Variants in ANKIB1 observed in about 807,000 individuals in gnomAD.
The protein encoded by ANKIB1 is ankyrin repeat and IBR domain-containing protein 1.
A neutral mutation model predicts 122.1 loss-of-function variants in ANKIB1; 43 were observed. The observed-to-expected ratio is 0.35, with a 90% CI of 0.28 to 0.45. The LOEUF (loss-of-function observed/expected upper bound fraction) is 0.45, where lower values mean the gene tolerates loss of function less well. Among genes scored for constraint, ANKIB1 ranks in the 20% least tolerant of loss-of-function variants. ANKIB1 has a pLI of 1.00. For synonymous variants in ANKIB1, 390 were observed against 442.0 expected (o/e 0.88, Z 1.48); for missense variants, 992 against 1,329.5 (o/e 0.75, Z 3.95).
At chr7:92,279,832 A>G (rs1201016241) in intron 1 of ANKIB1, among the ~76,000 whole-genome samples, 4 of 152,178 alleles carry the variant, frequency 2.6e-5, no homozygotes, top group African/African-American at 9.7e-5. Context: ...TTATCCTGGC[A>G]ACCTTAGAGT....
At chr7:92,328,757 G>A (rs1803086022) in intron 5 of ANKIB1, among the ~76,000 whole-genome samples, 1 of 151,446 alleles carries the variant, frequency 6.6e-6, no homozygotes. Flanking sequence ...AAATCTTTAT[G>A]ATCTATACTA....
intron 1 of ANKIB1, among the ~76,000 whole-genome samples, chr7:92,262,212 C>T (rs1801580312): frequency 6.6e-6 from 1 of 152,114 alleles, no homozygotes; most frequent in African/African-American, 2.4e-5. Flanking sequence ...GTTGCTATGG[C>T]AATAGAATGT....
Position 92,363,535 on chromosome 7 carries a change from A to G in ANKIB1, c.1486+1262A>G, listed in dbSNP as rs369231393. Among the ~76,000 whole-genome samples the G allele has an allele frequency of 3.1e-4, 48 of 152,386 alleles. 1 individual carries two copies. Among genetic ancestry groups the G allele is most frequent in the African/African-American group, 9.9e-4 (41 of 41,594 alleles). On this transcript the variant is annotated intron_variant, in intron 10 of 19. Transcript: ENST00000265742. ...ATTGCGGTATCATATGATAACTGAT[A>G]TAGTTGAGTAAAGATGAGAGTACAG...
intron 11 of ANKIB1, among the ~76,000 whole-genome samples, chr7:92,381,731 C>A (rs1245426214): frequency 1.3e-5 from 2 of 152,054 alleles, no homozygotes; most frequent in African/African-American, 4.8e-5. Flanking sequence ...TATAAGAGCT[C>A]CTAAAGGAAG....
rs184169000 is a variant in ANKIB1, at chr7:92,362,387, G to C, written c.1486+114G>C. On this transcript the variant is annotated intron_variant, in intron 10 of 19. Coordinates refer to ENST00000265742, the MANE Select transcript of ANKIB1 (RefSeq NM_019004.2). ...GAGGTTTTCAGATTTGTTAATGCAA[G>C]TGCTCTCCTGTTTAACATCACAATC... 7.1e-5 allele frequency: 64 copies of C among 898,570 alleles called. No homozygotes were observed. The East Asian group carries it at 1.5e-3, about 22-fold the overall frequency. 55.7% of individuals were successfully genotyped at this position (898,570 alleles called of 1,614,324 possible). A position where few individuals can be genotyped will look rare whatever the true frequency, so the allele number is the denominator to read the frequency against.
chr7:92,276,115 C>T (rs962809032), intron 1 of ANKIB1, among the ~76,000 whole-genome samples: 2 of 152,144 alleles, frequency 1.3e-5, no homozygotes, highest in African/African-American at 4.8e-5. Flanking sequence ...CATTACGTCT[C>T]ATTTAGATAC....
intron 2 of ANKIB1, among the ~76,000 whole-genome samples, chr7:92,298,684 G>A (rs1379703355): frequency 6.6e-6 from 1 of 150,388 alleles, no homozygotes; most frequent in African/African-American, 2.5e-5. Context: ...GGATAAAACT[G>A]CTGGCACCTT....
intron 7 of ANKIB1, among the ~76,000 whole-genome samples, chr7:92,346,621 G>A (rs894604880): frequency 6.6e-6 from 1 of 152,194 alleles, no homozygotes; most frequent in Non-Finnish European, 1.5e-5. Context: ...ACAATCCAAA[G>A]CTATCCTTAA....
chr7:92,257,546 A>G (rs1801473466), intron 1 of ANKIB1, among the ~76,000 whole-genome samples: 1 of 152,302 alleles, frequency 6.6e-6, no homozygotes, highest in South Asian at 2.1e-4. Flanking sequence ...TAATCCCAAC[A>G]CTTTGGGAGG....
chr7:92,272,613 G>A (rs1801820936), intron 1 of ANKIB1, among the ~76,000 whole-genome samples: 1 of 152,114 alleles, frequency 6.6e-6, no homozygotes, highest in African/African-American at 2.4e-5. Context: ...GGCCCAGATT[G>A]GTGTAGGAGG....
At chr7:92,367,898 G>A (rs1290383585) in intron 10 of ANKIB1, among the ~76,000 whole-genome samples, 1 of 152,202 alleles carries the variant, frequency 6.6e-6, no homozygotes, top group East Asian at 1.9e-4. Flanking sequence ...GTTTACGCCT[G>A]TAATCCCAGC....
intron 2 of ANKIB1, among the ~76,000 whole-genome samples, chr7:92,302,861 G>A (rs1165496378): frequency 1.3e-5 from 2 of 152,004 alleles, no homozygotes; most frequent in Non-Finnish European, 2.9e-5. Context: ...CGTAGGGCAG[G>A]GACTTTATCT....
chr7:92,298,538 A>G (rs1029641499), intron 2 of ANKIB1, among the ~76,000 whole-genome samples: 2 of 152,070 alleles, frequency 1.3e-5, no homozygotes, highest in Admixed American at 1.3e-4. Context: ...GATTCTTAAA[A>G]TGTGTTCTGA....
intron 12 of ANKIB1, 119 bp from the exon 13 acceptor site, chr7:92,387,679 T>C: frequency 1.5e-6 from 1 of 677,464 alleles, no homozygotes; most frequent in Non-Finnish European, 2.5e-6. Context: ...AGAAAATAAT[T>C]CGCAAATCTG....
At chr7:92,344,901 T>TA in intron 6 of ANKIB1, 77 bp from the exon 7 acceptor site, 13 of 1,346,276 alleles carry the variant, frequency 9.7e-6, no homozygotes, top group Admixed American at 2.0e-5. Flanking sequence ...TTTTGCCTTT[T>TA]AAAAAAGTAA....
At chr7:92,377,944 TA>T (rs879550552) in intron 11 of ANKIB1, among the ~76,000 whole-genome samples, 154 of 142,980 alleles carry the variant, frequency 1.1e-3, no homozygotes, top group East Asian at 7.4e-3. Flanking sequence ...TCTTGAGAGT[TA>T]AAAAAAAAAA....
Position 92,303,138 on chromosome 7 carries a change from T to C in ANKIB1, c.189-4221T>C, listed in dbSNP as rs183358665. Among the ~76,000 whole-genome samples the C allele has an allele frequency of 3.3e-5, 5 of 152,298 alleles. No homozygotes were observed. The East Asian group carries it at 9.6e-4, about 29-fold the overall frequency. ...TCAGATGAGAAGTCATATAGGATGATAGAGCATTAAGAATTATCACAGAAG... is the reference window on the plus strand; with the variant it reads ...TCAGATGAGAAGTCATATAGGATGACAGAGCATTAAGAATTATCACAGAAG... On this transcript the variant is annotated intron_variant, in intron 2 of 19. Transcript: ENST00000265742.
chr7:92,324,202 G>A (rs1399391174), intron 4 of ANKIB1, among the ~76,000 whole-genome samples: 2 of 152,146 alleles, frequency 1.3e-5, no homozygotes, highest in African/African-American at 2.4e-5. Flanking sequence ...CCTTAAAGTG[G>A]TTTATTTTAT....
chr7:92,353,188 G>T lies in ANKIB1; in HGVS notation c.1397+546G>T, dbSNP rs1458079878. Among the ~76,000 whole-genome samples the T allele has an allele frequency of 2.6e-5, 4 of 152,086 alleles. No homozygotes were observed. In the East Asian group the frequency reaches 7.7e-4, roughly 29 times the overall value. Reference sequence around the variant, plus strand: ...TTTGATTTAGTAGGTTTTTGAGTGGGGCTCTAAAAAAAGAAAATTAAAAAT... The same window carrying T: ...TTTGATTTAGTAGGTTTTTGAGTGGTGCTCTAAAAAAAGAAAATTAAAAAT... On this transcript the variant is annotated intron_variant, in intron 9 of 19. Coordinates refer to ENST00000265742, the MANE Select transcript of ANKIB1 (RefSeq NM_019004.2).
Sources: allele counts gnomAD v4.1 joint callset (sites outside exome capture counted in the v4.1 genomes callset), GRCh38; gene constraint gnomAD v4.1.1; transcripts MANE v1.5; gene names NCBI Gene and HGNC (gene_info 2026-07-23, HGNC 2026-07-21).